The following IGSF10 variants were observed in gnomAD, a reference collection of about 807,000 sequenced individuals.
IGSF10 encodes immunoglobulin superfamily member 10.
IGSF10 carries 126 observed loss-of-function variants against 128.2 expected under a neutral mutation model. That is an observed-to-expected ratio of 0.98 (90% CI 0.85 to 1.14). The LOEUF (loss-of-function observed/expected upper bound fraction) is 1.14, where lower values mean the gene tolerates loss of function less well. Among genes scored for constraint, IGSF10 ranks in the 50% most tolerant of loss-of-function variants. IGSF10 has a pLI of 0.00. For synonymous variants in IGSF10, 1,185 were observed against 1,146.2 expected (o/e 1.03, Z -0.68); for missense variants, 3,295 against 3,149.8 (o/e 1.05, Z -1.10).
the IGSF10 span, among the ~76,000 whole-genome samples, chr3:151,601,008 T>A: frequency 1.3e-5 from 2 of 151,840 alleles, no homozygotes; most frequent in African/African-American, 4.8e-5. Flanking sequence ...GAAATCTTAT[T>A]CAAGTCAAAC....
chr3:151,595,140 A>G, the IGSF10 span, among the ~76,000 whole-genome samples: 1 of 152,190 alleles, frequency 6.6e-6, no homozygotes, highest in African/African-American at 2.4e-5. Context: ...GTGTGGATAA[A>G]TAGGAATCCT....
chr3:151,507,471 TC>T, the IGSF10 span, among the ~76,000 whole-genome samples: 13 of 152,170 alleles, frequency 8.5e-5, no homozygotes, highest in African/African-American at 3.1e-4. Flanking sequence ...TCGTCCAATC[TC>T]ATCCTGCTAT....
At chr3:151,456,226 T>C (rs996355149) in intron 4 of IGSF10, among the ~76,000 whole-genome samples, 4 of 152,228 alleles carry the variant, frequency 2.6e-5, no homozygotes, top group Non-Finnish European at 4.4e-5. Context: ...ACCATGGTTA[T>C]AACCTCCCTT....
At chr3:151,607,398 AT>A in the IGSF10 span, among the ~76,000 whole-genome samples, 2 of 151,914 alleles carry the variant, frequency 1.3e-5, no homozygotes, top group Admixed American at 6.6e-5. Flanking sequence ...AAAGTATAAA[AT>A]TTTAAAAAAA....
Position 151,447,453 on chromosome 3 carries a change from G to A in IGSF10, c.2528C>T (p.Ser843Phe), listed in dbSNP as rs142202060. The A allele has an allele frequency of 6.8e-6, 11 of 1,614,154 alleles. No individual in the cohort carries two copies. Among genetic ancestry groups the A allele is most frequent in the Non-Finnish European group, 9.3e-6 (11 of 1,179,988 alleles). Residue 843 changes from serine (S) to phenylalanine (F), a missense_variant, in exon 6 of 8, where the codon TCT (serine) becomes TTT (phenylalanine). Transcript: ENST00000282466. ...MTNINYGTEF[S>F]PVVNSQILPP... The stretch of plus-strand genomic sequence containing the variant: ...TAGTATTTGTGAATTCACAACAGGA[G>A]AGAATTCTGTGCCATAATTTATGTT...
At chr3:151,525,591 G>T in the IGSF10 span, among the ~76,000 whole-genome samples, 13 of 152,288 alleles carry the variant, frequency 8.5e-5, no homozygotes, top group South Asian at 1.2e-3. Flanking sequence ...AATAAGGAAA[G>T]AACTGCTTCC....
chr3:151,471,426 A>C, the IGSF10 span, among the ~76,000 whole-genome samples: 1 of 152,200 alleles, frequency 6.6e-6, no homozygotes, highest in Non-Finnish European at 1.5e-5. Flanking sequence ...CCTATGTCAG[A>C]AACTCAGAAG....
chr3:151,507,857 A>G, the IGSF10 span, among the ~76,000 whole-genome samples: 1 of 152,138 alleles, frequency 6.6e-6, no homozygotes, highest in Non-Finnish European at 1.5e-5. Context: ...AAGTCTATAT[A>G]CCTGGAAAGT....
intron 7 of IGSF10, among the ~76,000 whole-genome samples, chr3:151,442,310 T>A (rs1256330375): frequency 6.6e-6 from 1 of 151,768 alleles, no homozygotes; most frequent in Non-Finnish European, 1.5e-5. Context: ...CTCTAGAATC[T>A]CCACTGCATC....
chr3:151,614,912 C>A, the IGSF10 span, among the ~76,000 whole-genome samples: 1,544 of 149,512 alleles, frequency 0.01, 27 homozygotes, highest in African/African-American at 0.032. Context: ...AAAAAAGAAG[C>A]CTGTAATGTA....
At chr3:151,499,386 C>T in the IGSF10 span, among the ~76,000 whole-genome samples, 4 of 152,100 alleles carry the variant, frequency 2.6e-5, no homozygotes, top group Non-Finnish European at 2.9e-5. Flanking sequence ...ATAAAAAACA[C>T]GTGGCATTAC....
the IGSF10 span, among the ~76,000 whole-genome samples, chr3:151,512,896 C>CT: frequency 1.3e-5 from 2 of 152,178 alleles, no homozygotes; most frequent in African/African-American, 4.8e-5. Flanking sequence ...CACATACACC[C>CT]TCCCAAGACT....
the IGSF10 span, among the ~76,000 whole-genome samples, chr3:151,594,883 C>T: frequency 6.6e-6 from 1 of 151,408 alleles, no homozygotes; most frequent in African/African-American, 2.4e-5. Context: ...TGCATATACC[C>T]CCAAAAGATG....
rs201323468 is a variant in IGSF10, at chr3:151,442,941, A to C, written c.5963+43T>G. ...TTCCATTTCAGAAGTTGTACAGCTA[A>C]ATACATAAAGCAGATAATTCCAACC... is the stretch of plus-strand genomic sequence containing the variant. On this transcript the variant is annotated intron_variant, in intron 7 of 7. Transcript: ENST00000282466. 7.8e-6 allele frequency: 12 copies of C among 1,543,122 alleles called. No homozygotes were observed. The East Asian group carries it at 2.7e-4, about 35-fold the overall frequency.
the IGSF10 span, among the ~76,000 whole-genome samples, chr3:151,581,385 GT>G: frequency 8.6e-5 from 13 of 151,686 alleles, no homozygotes; most frequent in South Asian, 1.5e-3. Flanking sequence ...ACAAATTATA[GT>G]TTTTTTTTAA....
chr3:151,596,567 G>C, the IGSF10 span, among the ~76,000 whole-genome samples: 1 of 152,138 alleles, frequency 6.6e-6, no homozygotes, highest in Non-Finnish European at 1.5e-5. Context: ...TGTGTATCTT[G>C]TGTATCTACA....
chr3:151,525,782 C>A, the IGSF10 span, among the ~76,000 whole-genome samples: 8 of 152,092 alleles, frequency 5.3e-5, no homozygotes, highest in Non-Finnish European at 8.8e-5. Flanking sequence ...AAGGGGTTTG[C>A]CAAATTGGTC....
the IGSF10 span, among the ~76,000 whole-genome samples, chr3:151,513,725 T>A: frequency 1.3e-5 from 2 of 152,178 alleles, no homozygotes; most frequent in Non-Finnish European, 2.9e-5. Flanking sequence ...GAAAACCCCA[T>A]TGTCTCAGCC....
At chr3:151,565,296 T>C in the IGSF10 span, among the ~76,000 whole-genome samples, 2 of 152,188 alleles carry the variant, frequency 1.3e-5, no homozygotes, top group Non-Finnish European at 2.9e-5. Flanking sequence ...AGTGCTTGAC[T>C]TTATAGGCCC....
Sources: allele counts gnomAD v4.1 joint callset (sites outside exome capture counted in the v4.1 genomes callset), GRCh38; gene constraint gnomAD v4.1.1; transcripts MANE v1.5; gene names NCBI Gene and HGNC (gene_info 2026-07-23, HGNC 2026-07-21).